S100Z: variants seen among roughly 807,000 people sequenced by gnomAD.
The protein encoded by S100Z is protein S100-Z.
In S100Z, 11 loss-of-function variants were observed where a neutral mutation model predicts 8.5. The observed-to-expected ratio is 1.30, with a 90% CI of 0.82 to 2.15. The LOEUF is 2.15. S100Z is among the 30% of genes most tolerant of loss of function. The pLI is 0.00. For synonymous variants in S100Z, 34 were observed against 43.8 expected, an observed-to-expected ratio of 0.78 and a Z score of 0.89; for missense variants, 126 against 117.9, an observed-to-expected ratio of 1.07 and a Z score of -0.32.
chr5:76,947,346 G>A, the S100Z span, among the ~76,000 whole-genome samples: 4 of 152,182 alleles, frequency 2.6e-5, no homozygotes, highest in African/African-American at 7.2e-5. Flanking sequence ...GTTGAAAATA[G>A]CTGGCACATT....
rs1402599747 is a variant in S100Z, at chr5:76,875,426, G to A, written c.67G>A (p.Glu23Lys). 6.2e-7 allele frequency: 1 copy of A among 1,613,202 alleles called. No homozygotes were observed. Among genetic ancestry groups the A allele is most frequent in the South Asian group, 1.1e-5 (1 of 90,950 alleles). The change falls in exon 3 of 5, where the codon GAA becomes AAA. Residue 23 changes from glutamate to lysine, a missense_variant. Coordinates refer to ENST00000317593, the MANE Select transcript of S100Z (RefSeq NM_130772.4). Reference protein sequence around the residue: ...IRIFHRYSGKERKRFKLSKGE... With the variant: ...IRIFHRYSGKKRKRFKLSKGE... Reference sequence around the variant, plus strand: ...AATCTTCCACCGCTATTCTGGCAAGGAAAGGAAGAGATTCAAGCTCAGCAA... The same window carrying A: ...AATCTTCCACCGCTATTCTGGCAAGAAAAGGAAGAGATTCAAGCTCAGCAA...
At chr5:76,903,851 A>C (rs1165178410) in intron 4 of S100Z, among the ~76,000 whole-genome samples, 2 of 151,334 alleles carry the variant, frequency 1.3e-5, no homozygotes, top group Non-Finnish European at 2.9e-5. Context: ...TGGCCCCCCA[A>C]GTAGCTGGGA....
chr5:76,907,980 T>C (rs1269076232), intron 4 of S100Z, among the ~76,000 whole-genome samples: 1 of 151,892 alleles, frequency 6.6e-6, no homozygotes, highest in Admixed American at 6.6e-5. Flanking sequence ...AATACAAAAA[T>C]ATCAGTCAGA....
chr5:76,925,307 A>G (rs533306698), downstream of S100Z, among the ~76,000 whole-genome samples: 12 of 152,272 alleles, frequency 7.9e-5, no homozygotes, highest in South Asian at 1.9e-3. Context: ...GGGGGTGTGA[A>G]CGCCAAGAGG....
At chr5:76,890,289 G>A (rs1043482777) in intron 4 of S100Z, among the ~76,000 whole-genome samples, 3 of 152,280 alleles carry the variant, frequency 2.0e-5, no homozygotes, top group Non-Finnish European at 2.9e-5. Flanking sequence ...CTCCCAAAAT[G>A]CTGGGATTAC....
chr5:76,926,114 G>A (rs1433623784), downstream of S100Z, among the ~76,000 whole-genome samples: 3 of 152,174 alleles, frequency 2.0e-5, no homozygotes, highest in African/African-American at 7.2e-5. Context: ...GCAGAGGATG[G>A]TTTAGATACA....
At chr5:76,874,247 A>C (rs997323155) in intron 2 of S100Z, among the ~76,000 whole-genome samples, 1 of 150,150 alleles carries the variant, frequency 6.7e-6, no homozygotes, top group South Asian at 2.1e-4. Flanking sequence ...TCTACTATGA[A>C]TTTACTCCCT....
the S100Z span, chr5:76,948,991 G>C: frequency 6.6e-6 from 1 of 152,118 alleles, no homozygotes; most frequent in Non-Finnish European, 1.5e-5. Flanking sequence ...TAACTGATGG[G>C]TACTAGGCTT....
chr5:76,936,056 C>T, the S100Z span, among the ~76,000 whole-genome samples: 5 of 152,064 alleles, frequency 3.3e-5, no homozygotes, highest in South Asian at 2.1e-4. Flanking sequence ...GGATTACAGG[C>T]GTGAGCCACC....
the S100Z span, among the ~76,000 whole-genome samples, chr5:76,951,849 G>T: frequency 1.3e-5 from 2 of 152,156 alleles, no homozygotes; most frequent in Non-Finnish European, 2.9e-5. Context: ...AACCAACAAA[G>T]AGGCCGCCTC....
intron 4 of S100Z, among the ~76,000 whole-genome samples, chr5:76,886,602 G>C (rs960946976): frequency 6.6e-6 from 1 of 152,170 alleles, no homozygotes; most frequent in Non-Finnish European, 1.5e-5. Context: ...TCATATGTCC[G>C]TGTGAAGAGA....
At chr5:76,944,359 C>G in the S100Z span, among the ~76,000 whole-genome samples, 1 of 152,120 alleles carries the variant, frequency 6.6e-6, no homozygotes, top group Non-Finnish European at 1.5e-5. Context: ...GCCTGGTGCT[C>G]TGGAGGAAGA....
At chr5:76,887,325 C>T (rs368572876) in intron 4 of S100Z, among the ~76,000 whole-genome samples, 1 of 149,674 alleles carries the variant, frequency 6.7e-6, no homozygotes, top group African/African-American at 2.5e-5. Flanking sequence ...TCTCGATCTC[C>T]TGACCTTGTA....
At chr5:76,850,383 C>T (rs554743534) in intron 1 of S100Z, among the ~76,000 whole-genome samples, 1 of 151,140 alleles carries the variant, frequency 6.6e-6, no homozygotes. Flanking sequence ...GATCATAGCT[C>T]GGAGCGTAGA....
chr5:76,945,927 G>A, the S100Z span, among the ~76,000 whole-genome samples: 29 of 152,302 alleles, frequency 1.9e-4, no homozygotes, highest in East Asian at 5.4e-3. Context: ...ACCCACAGGT[G>A]TGGAGGGGCA....
intron 1 of S100Z, among the ~76,000 whole-genome samples, chr5:76,853,120 G>T (rs1028586807): frequency 5.3e-5 from 8 of 152,178 alleles, no homozygotes; most frequent in African/African-American, 1.7e-4. Context: ...TCTAGGAGGG[G>T]CCAATGTGAT....
chr5:76,915,923 C>T (rs775824834), intron 4 of S100Z, among the ~76,000 whole-genome samples: 61 of 151,872 alleles, frequency 4.0e-4, no homozygotes, highest in Non-Finnish European at 6.5e-4. Context: ...CTAGCACTTT[C>T]GGAGGCCAAG....
chr5:76,906,968 GTGTGTGTGTATA>G (rs1272689339), intron 4 of S100Z, among the ~76,000 whole-genome samples: 1 of 23,962 alleles, frequency 4.2e-5, no homozygotes, highest in African/African-American at 5.0e-4. Context: ...GTATTCCATT[GTGTGTGTGTATA>G]TATATATATA....
intron 4 of S100Z, among the ~76,000 whole-genome samples, chr5:76,905,348 A>AT: frequency 6.6e-6 from 1 of 151,156 alleles, no homozygotes; most frequent in Middle Eastern, 3.4e-3. Context: ...TTTCTTGAAA[A>AT]TTTTTTTACA....
Sources: gnomAD v4.1 joint callset for allele counts (sites outside exome capture counted in the v4.1 genomes callset) on GRCh38, gnomAD v4.1.1 for gene constraint, MANE v1.5 for transcripts, NCBI Gene and HGNC (gene_info 2026-07-23, HGNC 2026-07-21) for gene names.